PRKCA: variants seen among roughly 807,000 people sequenced by gnomAD.
PRKCA encodes protein kinase C alpha.
Under a neutral mutation model 87.0 loss-of-function variants are expected in PRKCA, and 27 were observed. That is an observed-to-expected ratio of 0.31 (90% confidence interval 0.23 to 0.43). The LOEUF (loss-of-function observed/expected upper bound fraction) is 0.43. Ranked by LOEUF, PRKCA falls within the 20% of genes least tolerant of loss-of-function variation. The probability of loss-of-function intolerance (pLI) is 1.00; values close to 1 mark genes in which losing one functional copy is unlikely to be tolerated. For synonymous variants in PRKCA, 329 were observed against 311.1 expected, an observed-to-expected ratio of 1.06 and a Z score of -0.61; for missense variants, 518 against 852.3, an observed-to-expected ratio of 0.61 and a Z score of 4.88.
chr17:66,689,521 T>G lies in PRKCA; in HGVS notation c.918+474T>G, dbSNP rs1015488193. Among the ~76,000 whole-genome samples the G allele has an allele frequency of 8.5e-5, 13 of 152,212 alleles. No individual in the cohort carries two copies. Among genetic ancestry groups the G allele is most frequent in the Admixed American group, 7.9e-4 (12 of 15,282 alleles). The stretch of plus-strand genomic sequence containing the variant: ...TCTGAAAGAGCAGCTTAAACAAATA[T>G]GCCTTTGTGTGTGATCCCTTTTTAT... On this transcript the variant is annotated intron_variant, in intron 8 of 16. Transcript: ENST00000413366. The surrounding 1 kb of genome is among the most constrained non-coding windows in gnomAD (Gnocchi z 4.1).
chr17:66,390,106 C>T (rs1910280908), intron 2 of PRKCA, among the ~76,000 whole-genome samples: 2 of 152,138 alleles, frequency 1.3e-5, no homozygotes, highest in South Asian at 4.1e-4. Context: ...GCCTGTAATC[C>T]CAGCTACTCG....
At chr17:66,682,013 G>A (rs2144008166) in intron 5 of PRKCA, among the ~76,000 whole-genome samples, 1 of 152,308 alleles carries the variant, frequency 6.6e-6, no homozygotes, top group South Asian at 2.1e-4. Flanking sequence ...TGGTGCACCT[G>A]TGGCTTAGAT....
chr17:66,752,337 G>A (rs560841400), intron 13 of PRKCA, among the ~76,000 whole-genome samples: 75 of 152,184 alleles, frequency 4.9e-4, no homozygotes, highest in Non-Finnish European at 9.6e-4. Context: ...GCTCACACGC[G>A]TAATCCCAGC....
At chr17:66,638,096 G>C (rs1971191264) in intron 3 of PRKCA, among the ~76,000 whole-genome samples, 1 of 150,670 alleles carries the variant, frequency 6.6e-6, no homozygotes, top group Non-Finnish European at 1.5e-5. Context: ...ATAGGTGGTG[G>C]ACTTGTTTCT....
chr17:66,362,024 C>CTCTTTCTT (rs149315256), intron 2 of PRKCA, among the ~76,000 whole-genome samples: 4 of 151,764 alleles, frequency 2.6e-5, no homozygotes, highest in African/African-American at 7.3e-5. Context: ...AGGGGTTGAG[C>CTCTTTCTT]TCTTTCTTTC....
At chr17:66,639,176 G>A (rs28754303) in intron 3 of PRKCA, 55,881 of 152,120 alleles carry the variant, frequency 0.37, 10,359 homozygotes, top group African/African-American at 0.43. Flanking sequence ...CAGGCCACAA[G>A]GAGTGATTCA....
intron 7 of PRKCA, 47 bp from the exon 8 acceptor site, chr17:66,688,904 G>A (rs376057546): frequency 1.6e-6 from 2 of 1,243,328 alleles, no homozygotes; most frequent in Admixed American, 3.6e-5. Context: ...TGCAGGAAAG[G>A]CTTGTTAAAC....
intron 3 of PRKCA, among the ~76,000 whole-genome samples, chr17:66,626,362 ATT>A (rs36045417): frequency 1.1e-3 from 133 of 124,404 alleles, no homozygotes; most frequent in Admixed American, 1.9e-3. Context: ...TAGTTTTTGT[ATT>A]TTTTTTTTTT....
chr17:66,531,118 C>G (rs1268128964), intron 3 of PRKCA, among the ~76,000 whole-genome samples: 1 of 152,188 alleles, frequency 6.6e-6, no homozygotes. Flanking sequence ...TCTGCTGGCT[C>G]TTGTTCACTC....
Position 66,807,292 on chromosome 17 carries a change from C to G in PRKCA, c.*3255C>G, listed in dbSNP as rs1166736026. 6.6e-6 allele frequency: 1 copy of G among 152,270 alleles called. No homozygotes were observed. The highest frequency in any genetic ancestry group is 1.9e-4 in the East Asian group (1 of 5,180). The allele number at this position is 152,270 out of a possible 1,614,324, so 9.4% of individuals were successfully genotyped here. On this transcript the variant is annotated 3_prime_UTR_variant, in exon 17 of 17. Coordinates refer to ENST00000413366, the MANE Select transcript of PRKCA (RefSeq NM_002737.3). This position sits in a 1 kb window ranked among gnomAD's most constrained non-coding sequence, Gnocchi z 4.3. ...ACCACACCAGGCCATTCAAATGGCT[C>G]TGCATTATCTTCCCTTGGAAGGTGG...
chr17:66,507,321 A>G (rs1917023370), intron 3 of PRKCA, among the ~76,000 whole-genome samples: 1 of 152,192 alleles, frequency 6.6e-6, no homozygotes, highest in Non-Finnish European at 1.5e-5. Flanking sequence ...TCCCGAGTGC[A>G]GTAGTAAGTG....
intron 2 of PRKCA, among the ~76,000 whole-genome samples, chr17:66,408,877 C>G (rs1026055843): frequency 1.3e-5 from 2 of 151,640 alleles, no homozygotes; most frequent in African/African-American, 2.4e-5. Flanking sequence ...CACGATGAAA[C>G]CCTGTCTCTA....
chr17:66,399,761 C>T (rs971462712), intron 2 of PRKCA, among the ~76,000 whole-genome samples: 40 of 152,182 alleles, frequency 2.6e-4, no homozygotes, highest in African/African-American at 8.9e-4. Context: ...TCCAGGCTCA[C>T]CCACATTGTA....
At chr17:66,773,917 T>A in intron 13 of PRKCA, 70 bp from the exon 14 acceptor site, 1 of 1,603,218 alleles carries the variant, frequency 6.2e-7, no homozygotes, top group Non-Finnish European at 8.5e-7. Flanking sequence ...CCTACCTGCT[T>A]GACTTACCTG....
intron 3 of PRKCA, among the ~76,000 whole-genome samples, chr17:66,536,755 T>C (rs1244379543): frequency 6.6e-6 from 1 of 152,226 alleles, no homozygotes; most frequent in Non-Finnish European, 1.5e-5. Context: ...CCCGTGGGAA[T>C]TGCAGTTTTC....
intron 2 of PRKCA, among the ~76,000 whole-genome samples, chr17:66,392,327 A>G (rs1910415945): frequency 6.6e-6 from 1 of 152,166 alleles, no homozygotes; most frequent in Non-Finnish European, 1.5e-5. Context: ...AAACAATTAG[A>G]AATGGTTTCT....
intron 2 of PRKCA, among the ~76,000 whole-genome samples, chr17:66,461,998 G>A (rs116842637): frequency 6.6e-5 from 10 of 152,204 alleles, no homozygotes; most frequent in Admixed American, 3.3e-4. Context: ...TCCTGTTTCC[G>A]TGAACAGTGT....
chr17:66,595,779 C>T (rs573311780), intron 3 of PRKCA, among the ~76,000 whole-genome samples: 3 of 152,316 alleles, frequency 2.0e-5, no homozygotes, highest in Non-Finnish European at 4.4e-5. Context: ...AATAAAGTCA[C>T]ATTCACAGAT....
intron 14 of PRKCA, among the ~76,000 whole-genome samples, chr17:66,783,036 T>C (rs4790904): frequency 0.3 from 45,674 of 152,140 alleles, 7,627 homozygotes; most frequent in African/African-American, 0.45. Flanking sequence ...TCCTGCCTTA[T>C]TGGGTAACAT....
Sources: gnomAD v4.1 joint callset for allele counts (sites outside exome capture counted in the v4.1 genomes callset) on GRCh38, gnomAD v4.1.1 for gene constraint, Gnocchi (gnomAD v3.1) non-coding constraint, MANE v1.5 for transcripts, NCBI Gene and HGNC (gene_info 2026-07-23, HGNC 2026-07-21) for gene names.